The following CDH12 variants were observed in gnomAD, a reference collection of about 807,000 sequenced individuals.
CDH12 encodes the protein cadherin 12, also known as cadherin-12.
CDH12 carries 41 observed loss-of-function variants against 74.1 expected under a neutral mutation model. That is an observed-to-expected ratio of 0.55 (90% confidence interval 0.43 to 0.72). The LOEUF (loss-of-function observed/expected upper bound fraction) is 0.72. CDH12 is among the 30% of genes least tolerant of loss of function. The probability of loss-of-function intolerance (pLI) is 0.00; values close to 1 mark genes in which losing one functional copy is unlikely to be tolerated. For missense variants in CDH12, 945 were observed against 977.2 expected, an observed-to-expected ratio of 0.97 and a Z score of 0.44; for synonymous variants, 399 against 355.0, an observed-to-expected ratio of 1.12 and a Z score of -1.39.
chr5:22,300,727 A>G (rs1289480932), intron 3 of CDH12, among the ~76,000 whole-genome samples: 1 of 152,198 alleles, frequency 6.6e-6, no homozygotes, highest in Admixed American at 6.5e-5. Context: ...TAGTGTGTGT[A>G]ATGTTGTTTC....
chr5:22,609,002 C>T (rs920320340), intron 1 of CDH12, among the ~76,000 whole-genome samples: 4 of 152,260 alleles, frequency 2.6e-5, no homozygotes, highest in African/African-American at 9.6e-5. Context: ...GGCATTGCTA[C>T]ATGACCACAA....
chr5:22,152,137 A>G (rs1033404697), intron 4 of CDH12: 1 of 152,094 alleles, frequency 6.6e-6, no homozygotes, highest in Admixed American at 6.6e-5. Flanking sequence ...GGATCCGCAA[A>G]GTAGACACTT....
chr5:22,357,693 A>G (rs9293016), intron 3 of CDH12, among the ~76,000 whole-genome samples: 41,300 of 151,980 alleles, frequency 0.27, 5,665 homozygotes, highest in East Asian at 0.34. Context: ...AATATGCTTA[A>G]GTTTATTATT....
intron 3 of CDH12, among the ~76,000 whole-genome samples, chr5:22,313,866 A>G (rs1319100232): frequency 3.9e-5 from 6 of 152,170 alleles, no homozygotes; most frequent in Admixed American, 2.0e-4. Flanking sequence ...ATTAGGTACA[A>G]TGCACACCAC....
chr5:22,759,875 T>A (rs892400758), intron 1 of CDH12, among the ~76,000 whole-genome samples: 43 of 152,152 alleles, frequency 2.8e-4, no homozygotes, highest in Non-Finnish European at 5.6e-4. Context: ...GAAGAACTGA[T>A]GTTGTGCTTC....
At position 22,255,017 on chromosome 5, in the gene CDH12, C is replaced by A. The variant is rs78009621; in HGVS notation, c.-332-42374G>T. 1.3e-3 allele frequency among the ~76,000 whole-genome samples: 205 copies of A among 151,992 alleles called. 1 individual carries two copies. The highest frequency in any genetic ancestry group is 4.6e-3 in the African/African-American group (191 of 41,546). The stretch of plus-strand genomic sequence containing the variant: ...AACTGTATTTTTGTACCCATTAATT[C>A]TTTCCTCTTTATCTGCACCCTTTCC... On this transcript the variant is annotated intron_variant, in intron 3 of 14. Transcript: ENST00000382254.
At chr5:22,627,928 A>T (rs1005896618) in intron 1 of CDH12, among the ~76,000 whole-genome samples, 4 of 152,094 alleles carry the variant, frequency 2.6e-5, no homozygotes, top group Non-Finnish European at 5.9e-5. Flanking sequence ...AAAAAAAAGT[A>T]AGGATTAATA....
At chr5:22,575,178 G>C (rs1378095737) in intron 1 of CDH12, among the ~76,000 whole-genome samples, 1 of 152,086 alleles carries the variant, frequency 6.6e-6, no homozygotes, top group Non-Finnish European at 1.5e-5. Context: ...AGTGTGTGGT[G>C]TGCTTGTGTG....
At chr5:21,980,288 C>T (rs1757253925) in intron 5 of CDH12, among the ~76,000 whole-genome samples, 1 of 151,756 alleles carries the variant, frequency 6.6e-6, no homozygotes, top group Non-Finnish European at 1.5e-5. Context: ...CTAATTCTTG[C>T]AATTCAGTAT....
intron 9 of CDH12, among the ~76,000 whole-genome samples, chr5:21,811,752 G>A (rs1222267183): frequency 7.0e-6 from 1 of 142,646 alleles, no homozygotes; most frequent in Non-Finnish European, 1.5e-5. Context: ...TAGGATGTGA[G>A]GGTGGAATAA....
intron 3 of CDH12, among the ~76,000 whole-genome samples, chr5:22,331,482 T>C (rs1739350865): frequency 6.6e-6 from 1 of 152,200 alleles, no homozygotes; most frequent in South Asian, 2.1e-4. Flanking sequence ...GTGGTACCTC[T>C]ACAAGTCTAC....
At chr5:22,447,271 T>C (rs1449203722) in intron 2 of CDH12, among the ~76,000 whole-genome samples, 1 of 152,042 alleles carries the variant, frequency 6.6e-6, no homozygotes, top group African/African-American at 2.4e-5. Context: ...TTCTTCTTTT[T>C]CTTCTTCTTC....
At chr5:22,136,038 AACAGAAGAAAATCTG>A (rs1389771553) in intron 4 of CDH12, among the ~76,000 whole-genome samples, 1 of 152,098 alleles carries the variant, frequency 6.6e-6, no homozygotes, top group Non-Finnish European at 1.5e-5. Context: ...GAATAAACTA[AACAGAAGAAAATCTG>A]ACCCTGAAGA....
intron 6 of CDH12, among the ~76,000 whole-genome samples, chr5:21,946,087 T>A (rs1413050913): frequency 6.6e-6 from 1 of 151,856 alleles, no homozygotes; most frequent in Admixed American, 6.6e-5. Context: ...TCTGAAACCA[T>A]GAAGGTTGGA....
At chr5:22,668,677 C>T (rs1046999238) in intron 1 of CDH12, among the ~76,000 whole-genome samples, 1 of 152,146 alleles carries the variant, frequency 6.6e-6, no homozygotes, top group Non-Finnish European at 1.5e-5. Flanking sequence ...ACCCATTAAT[C>T]TGTGAATGTG....
intron 1 of CDH12, among the ~76,000 whole-genome samples, chr5:22,605,787 A>G (rs1237143630): frequency 6.6e-6 from 1 of 152,218 alleles, no homozygotes; most frequent in East Asian, 1.9e-4. Flanking sequence ...CAGCTCTAGC[A>G]GTACTTTGGT....
At chr5:21,864,887 T>G (rs1365199857) in intron 6 of CDH12, among the ~76,000 whole-genome samples, 1 of 152,216 alleles carries the variant, frequency 6.6e-6, no homozygotes, top group Admixed American at 6.5e-5. Flanking sequence ...CAGTAAGGGT[T>G]GTTCTTATGC....
intron 3 of CDH12, among the ~76,000 whole-genome samples, chr5:22,366,805 T>C (rs921065137): frequency 2.6e-5 from 4 of 152,176 alleles, no homozygotes; most frequent in African/African-American, 9.6e-5. Flanking sequence ...CTGTTGGAGA[T>C]TATTTGAGTA....
At chr5:22,525,078 C>T (rs530267711) in intron 1 of CDH12, among the ~76,000 whole-genome samples, 4 of 151,414 alleles carry the variant, frequency 2.6e-5, no homozygotes, top group Non-Finnish European at 5.9e-5. Context: ...TTTGTCCTTG[C>T]GATAGTTTGC....
Sources: gnomAD v4.1 joint callset for allele counts (sites outside exome capture counted in the v4.1 genomes callset) on GRCh38, gnomAD v4.1.1 for gene constraint, MANE v1.5 for transcripts, NCBI Gene and HGNC (gene_info 2026-07-23, HGNC 2026-07-21) for gene names.